RNF130: variants seen among roughly 807,000 people sequenced by gnomAD.
RNF130 encodes ring finger protein 130, also known as E3 ubiquitin-protein ligase RNF130.
In RNF130, 21 loss-of-function variants were observed where a neutral mutation model predicts 44.6. The ratio of observed to expected loss-of-function variants is 0.47; its 90% CI spans 0.33 to 0.68. The LOEUF (loss-of-function observed/expected upper bound fraction) is 0.68. Among genes scored for constraint, RNF130 ranks in the 30% least tolerant of loss-of-function variants. The pLI is 0.02. For synonymous variants in RNF130, 214 were observed against 210.4 expected (o/e 1.02, Z -0.15); for missense variants, 479 against 560.6 (o/e 0.85, Z 1.47).
At chr5:179,990,034 G>A (rs857182) in intron 3 of RNF130, among the ~76,000 whole-genome samples, 71,819 of 151,916 alleles carry the variant, frequency 0.47, 18,104 homozygotes, top group African/African-American at 0.67. Flanking sequence ...CCAGCCCCAC[G>A]GGGTTGGTGG....
intron 6 of RNF130, among the ~76,000 whole-genome samples, chr5:179,968,070 C>T (rs999590462): frequency 2.0e-5 from 3 of 151,816 alleles, no homozygotes; most frequent in African/African-American, 7.3e-5. Flanking sequence ...CCGAGGCGGG[C>T]AGATCACGAG....
chr5:179,970,998 T>C (rs1271009524), intron 5 of RNF130, among the ~76,000 whole-genome samples: 4 of 152,192 alleles, frequency 2.6e-5, no homozygotes, highest in African/African-American at 9.7e-5. Context: ...TGAATGTTTA[T>C]AAAAGCTACA....
chr5:180,026,470 T>C (rs546246147), intron 2 of RNF130, among the ~76,000 whole-genome samples: 2 of 152,282 alleles, frequency 1.3e-5, no homozygotes, highest in South Asian at 2.1e-4. Context: ...GCTAACTACA[T>C]GACAAAGAAC....
At position 180,071,743 on chromosome 5, in the gene RNF130, G is replaced by A. The variant is rs931124597; in HGVS notation, c.-41C>T. 22 of 1,156,540 alleles carry A rather than the reference G, an allele frequency of 1.9e-5. No homozygotes were observed. In the African/African-American group the frequency reaches 2.0e-4, roughly 10 times the overall value. 71.6% of individuals were successfully genotyped at this position (1,156,540 alleles called of 1,614,324 possible). ...CGCCGCTGCTCGCGGACCGGGCTCC[G>A]GGGCCGGCGCCTAGAGGCGGGGCGG... On this transcript the variant is annotated 5_prime_UTR_variant, in exon 1 of 9. Transcript: ENST00000521389.
At chr5:180,003,479 G>C (rs1235314014) in intron 3 of RNF130, among the ~76,000 whole-genome samples, 1 of 152,186 alleles carries the variant, frequency 6.6e-6, no homozygotes, top group Non-Finnish European at 1.5e-5. Flanking sequence ...TCTCTTCTCT[G>C]TGTTAGGTAT....
chr5:179,939,678 TGAAGAAAATCTTCATCAAAA>T (rs1244995080), intron 7 of RNF130: 2 of 457,186 alleles, frequency 4.4e-6, no homozygotes, highest in African/African-American at 4.2e-5. Context: ...GTGATCCAAA[TGAAGAAAATCTTCATCAAAA>T]GAAGAAAATC....
chr5:180,038,682 C>T (rs1238330346), intron 2 of RNF130, among the ~76,000 whole-genome samples: 1 of 152,010 alleles, frequency 6.6e-6, no homozygotes, highest in Non-Finnish European at 1.5e-5. Context: ...ATACAGGCTT[C>T]CCATCCTTTT....
Position 179,933,151 on chromosome 5 carries a change from T to C in RNF130, c.1151-12725A>G, listed in dbSNP as rs1008374112. ...GGGAAGTTCTCCTCTTTTTCTAGTCTCAGGACAAATTTGTGGAAGACTGGT... is the reference window on the plus strand; with the variant it reads ...GGGAAGTTCTCCTCTTTTTCTAGTCCCAGGACAAATTTGTGGAAGACTGGT... On this transcript the variant is annotated intron_variant, in intron 7 of 7. Transcript: ENST00000522208. Among the ~76,000 whole-genome samples the C allele has an allele frequency of 2.6e-5, 4 of 152,178 alleles. 1 individual carries two copies. Among genetic ancestry groups the C allele is most frequent in the Non-Finnish European group, 5.9e-5 (4 of 68,030 alleles).
At chr5:179,939,724 GA>G in intron 7 of RNF130, 1 of 443,442 alleles carries the variant, frequency 2.3e-6, no homozygotes, top group South Asian at 1.8e-5. Context: ...CCAAAAGACG[GA>G]AATCCACTGA....
intron 1 of RNF130, among the ~76,000 whole-genome samples, chr5:180,068,630 A>C (rs1765164797): frequency 6.6e-6 from 1 of 152,252 alleles, no homozygotes; most frequent in Admixed American, 6.5e-5. Flanking sequence ...TGTTATTCAG[A>C]AATTCACACG....
At chr5:179,994,763 T>C (rs1011114468) in intron 3 of RNF130, among the ~76,000 whole-genome samples, 1 of 152,194 alleles carries the variant, frequency 6.6e-6, no homozygotes, top group Non-Finnish European at 1.5e-5. Flanking sequence ...GCTGTGCACT[T>C]ATGTAAGCAG....
intron 2 of RNF130, 46 bp from the exon 3 acceptor site, chr5:180,013,357 A>T: frequency 6.6e-7 from 1 of 1,513,412 alleles, no homozygotes; most frequent in South Asian, 1.3e-5. Flanking sequence ...TTTAAAACTT[A>T]TGGAAACATC....
chr5:179,998,886 T>TATATATATATATA (rs1389273465), intron 3 of RNF130, among the ~76,000 whole-genome samples: 132 of 105,428 alleles, frequency 1.3e-3, no homozygotes, highest in African/African-American at 2.0e-3. Context: ...TATATATATG[T>TATATATATATATA]TTTATATATC....
chr5:179,937,933 TGAGAGAGAGA>T (rs3078901), intron 7 of RNF130, among the ~76,000 whole-genome samples: 46 of 116,294 alleles, frequency 4.0e-4, no homozygotes, highest in African/African-American at 9.1e-4. Context: ...TGTGTGTGTG[TGAGAGAGAGA>T]GAGAGAGAGA....
At chr5:179,988,872 G>A (rs1763013816) in intron 3 of RNF130, among the ~76,000 whole-genome samples, 1 of 152,206 alleles carries the variant, frequency 6.6e-6, no homozygotes, top group East Asian at 1.9e-4. Context: ...TTGATACAGT[G>A]TTCTGTAAAT....
At chr5:180,047,008 T>C (rs1160845811) in intron 1 of RNF130, among the ~76,000 whole-genome samples, 1 of 151,598 alleles carries the variant, frequency 6.6e-6, no homozygotes, top group African/African-American at 2.4e-5. Context: ...TGGCAAAGAG[T>C]TCTCTGTTTC....
chr5:179,984,919 G>A (rs1320099915), intron 3 of RNF130, among the ~76,000 whole-genome samples: 6 of 152,052 alleles, frequency 3.9e-5, no homozygotes, highest in Non-Finnish European at 5.9e-5. Flanking sequence ...ATGCTCAAAC[G>A]GTAAGTATAA....
intron 4 of RNF130, among the ~76,000 whole-genome samples, chr5:179,978,806 T>C (rs962886396): frequency 7.2e-5 from 11 of 152,204 alleles, no homozygotes; most frequent in Admixed American, 4.6e-4. Flanking sequence ...AGAAGGGTCA[T>C]TGGCTCAATT....
intron 7 of RNF130, among the ~76,000 whole-genome samples, chr5:179,947,511 A>G (rs540773781): frequency 6.6e-6 from 1 of 152,364 alleles, no homozygotes; most frequent in East Asian, 1.9e-4. Context: ...GGTTTGGAAC[A>G]CAGACCCTGG....
Sources: allele counts gnomAD v4.1 joint callset (sites outside exome capture counted in the v4.1 genomes callset), GRCh38; gene constraint gnomAD v4.1.1; transcripts MANE v1.5; gene names NCBI Gene and HGNC (gene_info 2026-07-23, HGNC 2026-07-21).